Variants in TRAPPC9 observed in about 807,000 individuals in gnomAD.
TRAPPC9 encodes the protein trafficking protein particle complex subunit 9.
Under a neutral mutation model 124.0 loss-of-function variants are expected in TRAPPC9, and 83 were observed. The ratio of observed to expected loss-of-function variants is 0.67; its 90% CI spans 0.56 to 0.80. The LOEUF (loss-of-function observed/expected upper bound fraction) is 0.80. TRAPPC9 is among the 30% of genes least tolerant of loss of function. TRAPPC9 has a pLI of 0.00. For synonymous variants in TRAPPC9, 638 were observed against 617.5 expected (o/e 1.03, Z -0.49); for missense variants, 1,302 against 1,508.3 (o/e 0.86, Z 2.27).
chr8:140,337,323 C>T (rs2067070199), intron 9 of TRAPPC9, among the ~76,000 whole-genome samples: 1 of 152,194 alleles, frequency 6.6e-6, no homozygotes, highest in Non-Finnish European at 1.5e-5. Flanking sequence ...CACACTCTCA[C>T]AGGACCCAGA....
intron 21 of TRAPPC9, among the ~76,000 whole-genome samples, chr8:139,814,785 T>TA (rs1177077273): frequency 2.0e-5 from 3 of 152,176 alleles, no homozygotes; most frequent in Admixed American, 6.5e-5. Context: ...GTTGCTATCC[T>TA]AAAAAACTCC....
At chr8:140,249,218 G>A (rs898613861) in intron 16 of TRAPPC9, among the ~76,000 whole-genome samples, 6 of 152,086 alleles carry the variant, frequency 3.9e-5, no homozygotes, top group Non-Finnish European at 5.9e-5. Flanking sequence ...GTCTGTTGCT[G>A]CCACCTTTAT....
At chr8:140,165,801 G>A (rs2061827488) in intron 17 of TRAPPC9, among the ~76,000 whole-genome samples, 1 of 152,044 alleles carries the variant, frequency 6.6e-6, no homozygotes, top group Non-Finnish European at 1.5e-5. Context: ...CCGGAGCCCA[G>A]GTTATCAGCC....
chr8:140,044,561 T>C (rs574286968), intron 17 of TRAPPC9, among the ~76,000 whole-genome samples: 21 of 152,216 alleles, frequency 1.4e-4, no homozygotes, highest in Non-Finnish European at 2.6e-4. Flanking sequence ...CCATGAGCAT[T>C]TCTTCAGGGC....
chr8:140,447,187 G>A (rs923508342), intron 2 of TRAPPC9, among the ~76,000 whole-genome samples: 2 of 152,140 alleles, frequency 1.3e-5, no homozygotes, highest in African/African-American at 4.8e-5. Context: ...AAAGGCTGGT[G>A]TGTCACTAAA....
At chr8:140,210,063 G>A (rs1350995712) in intron 17 of TRAPPC9, among the ~76,000 whole-genome samples, 2 of 152,202 alleles carry the variant, frequency 1.3e-5, no homozygotes, top group East Asian at 1.9e-4. Context: ...CTGTCACCGC[G>A]CTAAATCTCC....
At chr8:140,454,571 T>C (rs960589926) in intron 1 of TRAPPC9, among the ~76,000 whole-genome samples, 1 of 124,352 alleles carries the variant, frequency 8.0e-6, no homozygotes. Context: ...ACCCAGGAGA[T>C]GGGGGTTGCA....
intron 17 of TRAPPC9, among the ~76,000 whole-genome samples, chr8:140,165,432 G>A (rs1022267219): frequency 5.9e-5 from 8 of 135,062 alleles, no homozygotes; most frequent in Middle Eastern, 7.8e-3. Context: ...CCAGCTACTC[G>A]GGAGGTTGAG....
intron 17 of TRAPPC9, among the ~76,000 whole-genome samples, chr8:140,027,013 A>G (rs563351779): frequency 1.3e-5 from 2 of 152,304 alleles, no homozygotes; most frequent in African/African-American, 4.8e-5. Flanking sequence ...GACCTCTTAC[A>G]TTGCCCTTGT....
chr8:139,815,328 CA>C (rs1424169542), intron 21 of TRAPPC9, among the ~76,000 whole-genome samples: 1 of 151,928 alleles, frequency 6.6e-6, no homozygotes, highest in Non-Finnish European at 1.5e-5. Context: ...CTCGAGGTCA[CA>C]AAGCTGATCT....
At chr8:140,261,473 T>C (rs2064408999) in intron 15 of TRAPPC9, among the ~76,000 whole-genome samples, 1 of 152,166 alleles carries the variant, frequency 6.6e-6, no homozygotes, top group Admixed American at 6.5e-5. Context: ...AAGTTTATAA[T>C]ACCATTACAC....
chr8:140,134,694 C>CA, intron 17 of TRAPPC9, among the ~76,000 whole-genome samples: 1 of 152,296 alleles, frequency 6.6e-6, no homozygotes, highest in African/African-American at 2.4e-5. Context: ...TAAATTAACT[C>CA]AAACAGTATC....
At chr8:139,947,907 T>TATACATATATATATATATATAGAGAG in intron 19 of TRAPPC9, among the ~76,000 whole-genome samples, 1 of 60,382 alleles carries the variant, frequency 1.7e-5, no homozygotes, top group South Asian at 6.9e-4. Flanking sequence ...TATATATATA[T>TATACATATATATATATATATAGAGAG]AGAGAGAGAG....
chr8:139,959,095 G>C (rs1373373563), intron 19 of TRAPPC9, among the ~76,000 whole-genome samples: 1 of 152,174 alleles, frequency 6.6e-6, no homozygotes, highest in Non-Finnish European at 1.5e-5. Flanking sequence ...TCACACGGGG[G>C]AGCCCTGCAT....
chr8:139,909,455 A>G (rs151138797), intron 20 of TRAPPC9, among the ~76,000 whole-genome samples: 187 of 151,560 alleles, frequency 1.2e-3, no homozygotes, highest in African/African-American at 4.5e-3. Flanking sequence ...GGACACATCC[A>G]CTTCATACTA....
At chr8:139,858,678 G>T (rs1435981675) in intron 21 of TRAPPC9, among the ~76,000 whole-genome samples, 1 of 152,048 alleles carries the variant, frequency 6.6e-6, no homozygotes, top group Non-Finnish European at 1.5e-5. Flanking sequence ...GAGTCTGCTC[G>T]TCCATGAGTG....
chr8:139,761,730 T>G (rs1303329108), intron 21 of TRAPPC9, among the ~76,000 whole-genome samples: 1 of 151,886 alleles, frequency 6.6e-6, no homozygotes, highest in Non-Finnish European at 1.5e-5. Context: ...CACTGGACAG[T>G]GGCCCAAGCC....
At position 140,065,904 on chromosome 8, in the gene TRAPPC9, T is replaced by A. The variant is rs181972745; in HGVS notation, c.2557-41825A>T. Among the ~76,000 whole-genome samples, 19 of 152,324 alleles carry A rather than the reference T, an allele frequency of 1.2e-4. No individual in the cohort carries two copies. In the East Asian group the frequency reaches 3.5e-3, roughly 28 times the overall value. ...GCAAACATTGACATTTGCCAATGTA[T>A]CTTTACATGTACATGTATTCTTTAA... On this transcript the variant is annotated intron_variant, in intron 17 of 22. Coordinates refer to ENST00000438773, the MANE Select transcript of TRAPPC9 (RefSeq NM_001160372.4).
At chr8:139,848,687 G>A (rs1239227770) in intron 21 of TRAPPC9, among the ~76,000 whole-genome samples, 1 of 152,086 alleles carries the variant, frequency 6.6e-6, no homozygotes, top group Non-Finnish European at 1.5e-5. Flanking sequence ...CGAAATAGAA[G>A]CCTATATACT....
Sources: gnomAD v4.1 joint callset for allele counts (sites outside exome capture counted in the v4.1 genomes callset) on GRCh38, gnomAD v4.1.1 for gene constraint, MANE v1.5 for transcripts, NCBI Gene and HGNC (gene_info 2026-07-23, HGNC 2026-07-21) for gene names.